The following MAF variants were observed in gnomAD, a reference collection of about 807,000 sequenced individuals.
MAF encodes transcription factor Maf.
MAF carries 10 observed loss-of-function variants against 22.0 expected under a neutral mutation model. That is an observed-to-expected ratio of 0.45 (90% CI 0.28 to 0.77). The LOEUF (loss-of-function observed/expected upper bound fraction) is 0.77, where lower values mean the gene tolerates loss of function less well. Among genes scored for constraint, MAF ranks in the 30% least tolerant of loss-of-function variants. The pLI is 0.12. For missense variants in MAF, 544 were observed against 548.4 expected (o/e 0.99, Z 0.08); for synonymous variants, 337 against 255.8 (o/e 1.32, Z -3.03).
the MAF span, among the ~76,000 whole-genome samples, chr16:79,512,913 C>T: frequency 6.6e-6 from 1 of 152,228 alleles, no homozygotes. Flanking sequence ...CACACGCATC[C>T]ATCCAGGTGG....
chr16:79,226,010 C>T, the MAF span, among the ~76,000 whole-genome samples: 3 of 152,078 alleles, frequency 2.0e-5, no homozygotes, highest in African/African-American at 7.2e-5. Context: ...ACCATTTGAC[C>T]CAGCAATCCC....
At chr16:79,528,475 C>A in the MAF span, among the ~76,000 whole-genome samples, 1 of 152,132 alleles carries the variant, frequency 6.6e-6, no homozygotes, top group East Asian at 1.9e-4. Context: ...ATCATCCAAG[C>A]CAAGAAAAAC....
the MAF span, among the ~76,000 whole-genome samples, chr16:79,336,072 G>A: frequency 5.3e-5 from 8 of 152,166 alleles, no homozygotes. Flanking sequence ...GAGGGAACTA[G>A]GCTCAAATCT....
chr16:79,585,850 A>G (rs1033269548), exon 2 of MAF: 1 of 628,104 alleles, frequency 1.6e-6, no homozygotes, highest in African/African-American at 1.9e-5. Flanking sequence ...AAAAAACTCA[A>G]GCACATGCAA....
the MAF span, among the ~76,000 whole-genome samples, chr16:79,311,065 C>A: frequency 6.6e-6 from 1 of 151,396 alleles, no homozygotes; most frequent in African/African-American, 2.4e-5. Context: ...AACACCCACT[C>A]CCTCAGCACT....
At chr16:79,213,229 T>C in the MAF span, among the ~76,000 whole-genome samples, 2 of 152,164 alleles carry the variant, frequency 1.3e-5, no homozygotes. Context: ...CCCCTCCTGA[T>C]CATGGCAGCT....
the MAF span, among the ~76,000 whole-genome samples, chr16:79,553,112 G>T: frequency 6.6e-6 from 1 of 152,222 alleles, no homozygotes; most frequent in East Asian, 1.9e-4. Flanking sequence ...GAGTTGAGAG[G>T]ATTAAGTGAA....
the MAF span, among the ~76,000 whole-genome samples, chr16:79,284,289 A>C: frequency 6.6e-6 from 1 of 152,194 alleles, no homozygotes; most frequent in Non-Finnish European, 1.5e-5. Flanking sequence ...TCTTTCTGCC[A>C]TATGCATTCT....
the MAF span, among the ~76,000 whole-genome samples, chr16:79,449,981 G>A: frequency 3.3e-5 from 5 of 152,176 alleles, no homozygotes; most frequent in Non-Finnish European, 5.9e-5. Context: ...AGAATAGTTT[G>A]GAATTGACAG....
chr16:79,478,244 C>G, the MAF span, among the ~76,000 whole-genome samples: 23 of 152,172 alleles, frequency 1.5e-4, no homozygotes, highest in Non-Finnish European at 2.8e-4. Context: ...TTGAGCGAGG[C>G]CTTGTGATTT....
the MAF span, among the ~76,000 whole-genome samples, chr16:79,370,708 T>C: frequency 6.6e-6 from 1 of 152,212 alleles, no homozygotes; most frequent in Non-Finnish European, 1.5e-5. Flanking sequence ...CCAAAGCATA[T>C]ATCAGATCCA....
At chr16:79,357,934 T>G in the MAF span, among the ~76,000 whole-genome samples, 1 of 152,220 alleles carries the variant, frequency 6.6e-6, no homozygotes, top group East Asian at 1.9e-4. Flanking sequence ...GGGCTGGGAC[T>G]GCCAGCAAGA....
the MAF span, among the ~76,000 whole-genome samples, chr16:79,419,180 G>C: frequency 6.6e-6 from 1 of 152,156 alleles, no homozygotes; most frequent in Non-Finnish European, 1.5e-5. Flanking sequence ...CAATCATGGG[G>C]TGCTCAGAAG....
chr16:79,299,429 T>C, the MAF span, among the ~76,000 whole-genome samples: 3 of 151,610 alleles, frequency 2.0e-5, no homozygotes, highest in Non-Finnish European at 4.4e-5. Context: ...GGTTTCAGTC[T>C]CTATTAAGAT....
At chr16:79,361,283 A>G in the MAF span, among the ~76,000 whole-genome samples, 2 of 152,146 alleles carry the variant, frequency 1.3e-5, no homozygotes, top group African/African-American at 4.8e-5. Flanking sequence ...ACCAGCATCC[A>G]TGGAGAGCAC....
At chr16:79,512,411 G>T in the MAF span, among the ~76,000 whole-genome samples, 1 of 152,166 alleles carries the variant, frequency 6.6e-6, no homozygotes, top group Non-Finnish European at 1.5e-5. Flanking sequence ...AGGGTTGGGG[G>T]TCCACTCCTA....
downstream of MAF, among the ~76,000 whole-genome samples, chr16:79,582,944 A>T (rs1912614391): frequency 6.6e-6 from 1 of 152,230 alleles, no homozygotes; most frequent in Non-Finnish European, 1.5e-5. Flanking sequence ...AGAGGCACCA[A>T]GAAATCAGAA....
At chr16:79,267,960 G>C in the MAF span, among the ~76,000 whole-genome samples, 3 of 152,162 alleles carry the variant, frequency 2.0e-5, no homozygotes, top group African/African-American at 7.2e-5. Flanking sequence ...CTTTCCCCTG[G>C]TTCTCCGGCT....
At chr16:79,568,700 C>T in the MAF span, among the ~76,000 whole-genome samples, 3 of 152,130 alleles carry the variant, frequency 2.0e-5, no homozygotes, top group Non-Finnish European at 4.4e-5. Flanking sequence ...CACCTGAAAA[C>T]TAGAAATTTG....
Sources: gnomAD v4.1 joint callset for allele counts (sites outside exome capture counted in the v4.1 genomes callset) on GRCh38, gnomAD v4.1.1 for gene constraint, MANE v1.5 for transcripts, NCBI Gene and HGNC (gene_info 2026-07-23, HGNC 2026-07-21) for gene names.